SMC6: variants seen among roughly 807,000 people sequenced by gnomAD.
The protein encoded by SMC6 is structural maintenance of chromosomes protein 6.
A neutral mutation model predicts 142.2 loss-of-function variants in SMC6; 79 were observed. The observed-to-expected ratio is 0.56, with a 90% CI of 0.46 to 0.67. SMC6 has a LOEUF of 0.67. SMC6 is among the 30% of genes least tolerant of loss of function. The pLI, the probability that SMC6 is intolerant of heterozygous loss-of-function variation, is 0.00. For synonymous variants in SMC6, 411 were observed against 412.4 expected (o/e 1.00, Z 0.04); for missense variants, 1,072 against 1,284.0 (o/e 0.83, Z 2.52).
chr2:17,745,725 T>G, intron 3 of SMC6, 102 bp downstream of exon 3: 1 of 1,267,928 alleles, frequency 7.9e-7, no homozygotes, highest in African/African-American at 1.5e-5. Flanking sequence ...TTTTAAAAAA[T>G]CATATTACTT....
intron 2 of SMC6, among the ~76,000 whole-genome samples, chr2:17,750,541 C>G (rs530663357): frequency 2.4e-4 from 37 of 152,304 alleles, no homozygotes; most frequent in Admixed American, 8.5e-4. Flanking sequence ...TCTAACATAG[C>G]AGAGCTCAGA....
intron 21 of SMC6, 66 bp from the exon 22 acceptor site, chr2:17,696,492 TAAAC>T (rs2124920088): frequency 6.6e-7 from 1 of 1,514,314 alleles, no homozygotes; most frequent in East Asian, 2.3e-5. Flanking sequence ...ATAAAGATAA[TAAAC>T]AACTCGGTAA....
chr2:17,736,031 A>C (rs1027429573), intron 5 of SMC6, among the ~76,000 whole-genome samples: 5 of 152,232 alleles, frequency 3.3e-5, no homozygotes, highest in African/African-American at 1.2e-4. Flanking sequence ...CAATAGAGTA[A>C]GAGCAGAACT....
intron 25 of SMC6, among the ~76,000 whole-genome samples, chr2:17,676,448 G>A (rs922627365): frequency 6.6e-6 from 1 of 152,106 alleles, no homozygotes; most frequent in East Asian, 1.9e-4. Context: ...AATATAATAA[G>A]CTGCATATAT....
chr2:17,744,997 A>G (rs780895839), intron 3 of SMC6, among the ~76,000 whole-genome samples: 1 of 152,220 alleles, frequency 6.6e-6, no homozygotes, highest in Non-Finnish European at 1.5e-5. Flanking sequence ...GCAGATGTGA[A>G]TACTCAGGGC....
intron 23 of SMC6, among the ~76,000 whole-genome samples, chr2:17,691,803 T>C (rs1572273468): frequency 6.6e-6 from 1 of 152,244 alleles, no homozygotes; most frequent in African/African-American, 2.4e-5. Flanking sequence ...TGATTGTATA[T>C]CTAGAAAACC....
chr2:17,719,811 T>C lies in SMC6; in HGVS notation c.945+1129A>G, dbSNP rs138479449. Among the ~76,000 whole-genome samples, 113 of 152,290 alleles carry C rather than the reference T, an allele frequency of 7.4e-4. 1 individual carries two copies. The highest frequency in any genetic ancestry group is 2.6e-3 in the African/African-American group (109 of 41,556). On this transcript the variant is annotated intron_variant, in intron 11 of 27. Transcript: ENST00000448223. ...TAAGTGTCCTATCTTTACCTATTTTTACATACTCATATATTACCTCTGATG... is the reference window on the plus strand; with the variant it reads ...TAAGTGTCCTATCTTTACCTATTTTCACATACTCATATATTACCTCTGATG...
intron 21 of SMC6, among the ~76,000 whole-genome samples, chr2:17,698,994 C>T (rs1289373424): frequency 6.6e-6 from 1 of 151,982 alleles, no homozygotes; most frequent in African/African-American, 2.4e-5. Flanking sequence ...TATAATGGTC[C>T]TAAATACCTC....
chr2:17,696,981 A>G (rs1668033282), intron 21 of SMC6, among the ~76,000 whole-genome samples: 1 of 152,120 alleles, frequency 6.6e-6, no homozygotes. Context: ...AGGTATGGCT[A>G]AAAAACTGGG....
At chr2:17,718,250 A>G (rs1454970261) in intron 11 of SMC6, 27 bp from the exon 12 acceptor site, 1 of 1,519,798 alleles carries the variant, frequency 6.6e-7, no homozygotes, top group Admixed American at 2.0e-5. Context: ...TTATTGAAGT[A>G]TATTTTTTCT....
chr2:17,731,620 A>C (rs1669918680), intron 6 of SMC6, 121 bp downstream of exon 6: 4 of 912,186 alleles, frequency 4.4e-6, no homozygotes, highest in Admixed American at 2.2e-5. Flanking sequence ...GTGTGTATAT[A>C]TATATGCACA....
chr2:17,738,181 C>G, intron 5 of SMC6, 40 bp downstream of exon 5: 2 of 1,458,150 alleles, frequency 1.4e-6, no homozygotes, highest in Non-Finnish European at 1.9e-6. Flanking sequence ...TGTTTTCTTA[C>G]TAAAGAATTG....
intron 21 of SMC6, 74 bp from the exon 22 acceptor site, chr2:17,696,500 T>G: frequency 6.8e-7 from 1 of 1,462,892 alleles, no homozygotes; most frequent in Non-Finnish European, 9.4e-7. Context: ...AATAAACAAC[T>G]CGGTAAAGTG....
chr2:17,717,025 T>A, intron 13 of SMC6, 63 bp downstream of exon 13: 1 of 1,533,930 alleles, frequency 6.5e-7, no homozygotes, highest in East Asian at 2.3e-5. Context: ...AATACTCCAA[T>A]GCATCTACCT....
intron 7 of SMC6, among the ~76,000 whole-genome samples, chr2:17,728,810 G>A (rs1669758811): frequency 2.0e-5 from 3 of 151,706 alleles, no homozygotes; most frequent in South Asian, 4.1e-4. Flanking sequence ...GTGCAGTGGC[G>A]TGATCTCAGC....
At chr2:17,700,901 T>C (rs1668237849) in intron 20 of SMC6, among the ~76,000 whole-genome samples, 1 of 151,844 alleles carries the variant, frequency 6.6e-6, no homozygotes, top group South Asian at 2.1e-4. Context: ...TGGTGGTACA[T>C]GCCTGTGTAA....
chr2:17,716,953 CT>C (rs1669118256), intron 13 of SMC6, 48 bp from the exon 14 acceptor site: 1 of 1,562,762 alleles, frequency 6.4e-7, no homozygotes, highest in African/African-American at 1.4e-5. Flanking sequence ...AATGAACAGC[CT>C]AACATTTAAA....
intron 12 of SMC6, 98 bp from the exon 13 acceptor site, chr2:17,717,274 G>C: frequency 1.4e-6 from 1 of 709,734 alleles, no homozygotes; most frequent in Non-Finnish European, 2.2e-6. Flanking sequence ...ATATATACAG[G>C]AATATATTTT....
At chr2:17,708,195 A>G (rs1668646847) in intron 17 of SMC6, among the ~76,000 whole-genome samples, 1 of 152,136 alleles carries the variant, frequency 6.6e-6, no homozygotes, top group Non-Finnish European at 1.5e-5. Flanking sequence ...ACAAGCACAT[A>G]AAAACACCTA....
Sources: allele counts gnomAD v4.1 joint callset (sites outside exome capture counted in the v4.1 genomes callset), GRCh38; gene constraint gnomAD v4.1.1; transcripts MANE v1.5; gene names NCBI Gene and HGNC (gene_info 2026-07-23, HGNC 2026-07-21).